IL1RAPL1: variants seen among roughly 807,000 people sequenced by gnomAD.
IL1RAPL1 encodes the protein interleukin-1 receptor accessory protein-like 1.
Under a neutral mutation model 48.4 loss-of-function variants are expected in IL1RAPL1, and 3 were observed. That is an observed-to-expected ratio of 0.06 (90% CI 0.03 to 0.16). IL1RAPL1 has a LOEUF of 0.16. Ranked by LOEUF, IL1RAPL1 falls within the 10% of genes least tolerant of loss-of-function variation. The pLI, the probability that IL1RAPL1 is intolerant of heterozygous loss-of-function variation, is 1.00. For missense variants in IL1RAPL1, 349 were observed against 530.6 expected (o/e 0.66, Z 3.36); for synonymous variants, 185 against 187.7 (o/e 0.99, Z 0.12).
chrX:29,131,274 GTA>G (rs765489520), intron 2 of IL1RAPL1, among the ~76,000 whole-genome samples: 25 of 103,757 alleles, frequency 2.4e-4, no homozygotes, highest in African/African-American at 5.5e-4. Context: ...GTGTGTGTGT[GTA>G]TATATATATA....
intron 6 of IL1RAPL1, among the ~76,000 whole-genome samples, chrX:29,714,208 C>T (rs547805275): frequency 4.5e-5 from 5 of 111,796 alleles, no homozygotes; most frequent in Middle Eastern, 4.6e-3. Context: ...CCACTGTTTT[C>T]ATCTGTATTT....
At chrX:28,972,026 C>G (rs1399280977) in intron 2 of IL1RAPL1, among the ~76,000 whole-genome samples, 1 of 110,116 alleles carries the variant, frequency 9.1e-6, no homozygotes, top group Non-Finnish European at 1.9e-5. Flanking sequence ...ATGGCCACCA[C>G]CAAATTATAT....
intron 7 of IL1RAPL1, 126 bp from the exon 8 acceptor site, chrX:29,919,823 A>G: frequency 1.5e-6 from 1 of 662,056 alleles, no homozygotes; most frequent in East Asian, 3.2e-5. Context: ...GCATCAATTC[A>G]TAGCCAAATT....
intron 6 of IL1RAPL1, among the ~76,000 whole-genome samples, chrX:29,781,618 G>T (rs772903608): frequency 1.8e-5 from 2 of 111,942 alleles, no homozygotes; most frequent in South Asian, 7.5e-4. Context: ...AGATTGTCTT[G>T]CAGAGTGACT....
chrX:28,620,825 A>C (rs915582778), intron 1 of IL1RAPL1, among the ~76,000 whole-genome samples: 1 of 111,973 alleles, frequency 8.9e-6, no homozygotes, highest in Admixed American at 9.5e-5. Flanking sequence ...CATCAACTTC[A>C]TTTACCTTTT....
chrX:29,527,889 C>A (rs1856601011), intron 5 of IL1RAPL1, among the ~76,000 whole-genome samples: 1 of 111,343 alleles, frequency 9.0e-6, no homozygotes, highest in African/African-American at 3.3e-5. Flanking sequence ...TATAAATGAT[C>A]CTTAAGCATA....
chrX:28,915,263 A>G (rs1381366849), intron 2 of IL1RAPL1, among the ~76,000 whole-genome samples: 1 of 111,537 alleles, frequency 9.0e-6, no homozygotes, highest in Non-Finnish European at 1.9e-5. Flanking sequence ...CTAATAGGCC[A>G]TAGACCAGTA....
intron 5 of IL1RAPL1, among the ~76,000 whole-genome samples, chrX:29,607,023 T>C (rs1232838983): frequency 8.9e-6 from 1 of 112,090 alleles, no homozygotes; most frequent in Non-Finnish European, 1.9e-5. Context: ...TTTATTGTTT[T>C]GAAACTAAGG....
At chrX:29,522,410 C>T (rs1935512264) in intron 5 of IL1RAPL1, among the ~76,000 whole-genome samples, 1 of 111,303 alleles carries the variant, frequency 9.0e-6, no homozygotes, top group South Asian at 3.8e-4. Flanking sequence ...ATCCTCCCAC[C>T]TCAGTCTCCC....
chrX:29,161,808 A>G (rs1292093145), intron 2 of IL1RAPL1, among the ~76,000 whole-genome samples: 1 of 112,094 alleles, frequency 8.9e-6, no homozygotes, highest in African/African-American at 3.2e-5. Context: ...GCGATTCCTT[A>G]AGGATCTAGA....
At chrX:29,569,075 G>A (rs899837820) in intron 5 of IL1RAPL1, among the ~76,000 whole-genome samples, 2 of 111,149 alleles carry the variant, frequency 1.8e-5, no homozygotes, top group Admixed American at 9.6e-5. Context: ...GAAAAAAATT[G>A]TTTAGTAGAT....
intron 1 of IL1RAPL1, among the ~76,000 whole-genome samples, chrX:28,623,477 C>T (rs1021977303): frequency 1.8e-5 from 2 of 111,507 alleles, no homozygotes; most frequent in Non-Finnish European, 3.8e-5. Flanking sequence ...TCTCTTGCAG[C>T]AGGACAGGCA....
At chrX:29,885,104 C>CT (rs1278089486) in intron 6 of IL1RAPL1, among the ~76,000 whole-genome samples, 2 of 111,576 alleles carry the variant, frequency 1.8e-5, no homozygotes, top group Non-Finnish European at 3.8e-5. Flanking sequence ...CACTGGCCTT[C>CT]TTGCTGTTCT....
intron 1 of IL1RAPL1, among the ~76,000 whole-genome samples, chrX:28,637,434 C>T (rs1934478495): frequency 9.0e-6 from 1 of 111,576 alleles, no homozygotes; most frequent in Non-Finnish European, 1.9e-5. Flanking sequence ...GTGCCCTCCA[C>T]CCCACCCCCA....
At chrX:28,826,027 G>T (rs1480957092) in intron 2 of IL1RAPL1, among the ~76,000 whole-genome samples, 5 of 111,417 alleles carry the variant, frequency 4.5e-5, no homozygotes, top group Non-Finnish European at 9.5e-5. Context: ...TTATTTATAG[G>T]CACAAATCAC....
At chrX:29,064,714 T>C (rs1019024065) in intron 2 of IL1RAPL1, among the ~76,000 whole-genome samples, 23 of 111,116 alleles carry the variant, frequency 2.1e-4, no homozygotes, top group Non-Finnish European at 4.2e-4. Flanking sequence ...CCCGAGTAGC[T>C]GGGACTACAG....
chrX:29,283,304 A>G lies in IL1RAPL1; in HGVS notation c.362+87A>G, dbSNP rs1285273650. On this transcript the variant is annotated intron_variant, in intron 3 of 10. Transcript: ENST00000378993. ...AATGTTGCTGCTATCTCTTTTGCCT[A>G]AAGCCGTTGTCTCAATATTTGCATG... 11 of 954,020 alleles carry G rather than the reference A, an allele frequency of 1.2e-5. No homozygotes were observed. In the East Asian group the frequency reaches 3.4e-4, roughly 30 times the overall value. The allele number at this position is 954,020 out of a possible 1,213,427, so 78.6% of individuals were successfully genotyped here.
intron 6 of IL1RAPL1, among the ~76,000 whole-genome samples, chrX:29,704,325 A>C (rs1927134301): frequency 9.0e-6 from 1 of 111,333 alleles, no homozygotes; most frequent in Admixed American, 9.6e-5. Context: ...GAGGGATACA[A>C]TATTGATATT....
At chrX:29,078,037 G>A (rs1223897158) in intron 2 of IL1RAPL1, among the ~76,000 whole-genome samples, 2 of 112,295 alleles carry the variant, frequency 1.8e-5, no homozygotes, top group African/African-American at 6.5e-5. Flanking sequence ...CAGCACTTTG[G>A]GAGGCCGAGG....
Sources: allele counts gnomAD v4.1 joint callset (sites outside exome capture counted in the v4.1 genomes callset), GRCh38; gene constraint gnomAD v4.1.1; transcripts MANE v1.5; gene names NCBI Gene and HGNC (gene_info 2026-07-23, HGNC 2026-07-21).